IGF2: variants seen among roughly 807,000 people sequenced by gnomAD.
IGF2 encodes the protein insulin like growth factor 2, also known as insulin-like growth factor 2.
Under a neutral mutation model 12.0 loss-of-function variants are expected in IGF2, and 2 were observed. That is an observed-to-expected ratio of 0.17 (90% CI 0.07 to 0.52). The LOEUF (loss-of-function observed/expected upper bound fraction) is 0.52, where lower values mean the gene tolerates loss of function less well. IGF2 is among the 20% of genes least tolerant of loss of function. IGF2 has a pLI of 0.95. For missense variants in IGF2, 211 were observed against 268.0 expected (o/e 0.79, Z 1.48); for synonymous variants, 105 against 110.1 (o/e 0.95, Z 0.29).
chr11:2,148,157 A>C, the IGF2 span: 2 of 228,414 alleles, frequency 8.8e-6, no homozygotes, highest in African/African-American at 4.5e-5. This position sits in a 1 kb window ranked among gnomAD's most constrained non-coding sequence, Gnocchi z 4.3. Flanking sequence ...GCCCGCCTTG[A>C]GGGGTCATGG....
chr11:2,140,687 A>G (rs748045454), upstream of IGF2: 2 of 462,148 alleles, frequency 4.3e-6, no homozygotes, highest in Non-Finnish European at 8.4e-6. Flanking sequence ...GCCCAGCAGG[A>G]GCGAGCGCAG....
rs778304668 is a variant in IGF2 at position 2,133,123 on chromosome 11, G to C, written c.407C>G (p.Ala136Gly). ...LRRGLPALLR[A>G]RRGHVLAKEL... ...CTTGGCGAGCACGTGACCCCGGCGG[G>C]CACGCAGGAGGGCAGGCAGGCCCCT... Residue 136 changes from alanine to glycine, a missense_variant, in exon 4 of 4, where the codon GCC (alanine) becomes GGC (glycine). By Grantham distance (60) the Ala-to-Gly change is moderately conservative. Around this residue, in one of 3 missense-constraint regions of IGF2, gnomAD observed 141 missense variants for 153.1 expected, o/e 0.92. Transcript: ENST00000416167. The surrounding 1 kb of genome is among the most constrained non-coding windows in gnomAD (Gnocchi z 8.9). The C allele has an allele frequency of 1.2e-5, 20 of 1,606,074 alleles. No individual in the cohort carries two copies. The South Asian group carries it at 1.8e-4, about 14-fold the overall frequency.
chr11:2,146,509 A>G, the IGF2 span: 1 of 438,824 alleles, frequency 2.3e-6, no homozygotes, highest in Non-Finnish European at 4.7e-6. Flanking sequence ...AAGGCTGCTC[A>G]ATCTGCCCAA....
At position 2,139,013 on chromosome 11, in the gene IGF2, AG is replaced by A; in HGVS notation, c.-792del. ...GGCCGCTCCGGGACGCAGCGCGGAAAGGGGAGCGGCCCGAGGCTGCGCGCCG... is the reference window on the plus strand; with the variant it reads ...GGCCGCTCCGGGACGCAGCGCGGAAAGGGAGCGGCCCGAGGCTGCGCGCCG... On this transcript the variant is annotated 5_prime_UTR_variant, in exon 1 of 4. Transcript: ENST00000416167. 1 of 912,490 alleles carries A rather than the reference AG, an allele frequency of 1.1e-6. No individual in the cohort carries two copies. Among genetic ancestry groups the A allele is most frequent in the Non-Finnish European group, 1.3e-6 (1 of 793,234 alleles). The allele number at this position is 912,490 out of a possible 1,614,324, so 56.5% of individuals were successfully genotyped here. A position where few individuals can be genotyped will look rare whatever the true frequency, so the allele number is the denominator to read the frequency against.
At chr11:2,147,316 A>G in the IGF2 span, 1 of 363,092 alleles carries the variant, frequency 2.8e-6, no homozygotes, top group Non-Finnish European at 4.9e-6. This position sits in a 1 kb window ranked among gnomAD's most constrained non-coding sequence, Gnocchi z 7.2. Context: ...TTCGTCTCCC[A>G]GGAGCTCCCC....
At chr11:2,145,398 G>T (rs1187671961), upstream of IGF2, among the ~76,000 whole-genome samples, 1 of 152,236 alleles carries the variant, frequency 6.6e-6, no homozygotes, top group Middle Eastern at 3.2e-3. Flanking sequence ...GGGCCCCCAG[G>T]GCCAGCTCTA....
chr11:2,139,936 C>G (rs926945919), upstream of IGF2, among the ~76,000 whole-genome samples: 1 of 152,090 alleles, frequency 6.6e-6, no homozygotes, highest in Non-Finnish European at 1.5e-5. Context: ...CAGGAGGAGC[C>G]GGCCACGCGG....
At chr11:2,140,389 C>A (rs1196576713), upstream of IGF2, 18 of 1,259,444 alleles carry the variant, frequency 1.4e-5, no homozygotes, top group Non-Finnish European at 1.9e-5. Flanking sequence ...AGCCCCCCGC[C>A]GCCTAAGCCT....
At chr11:2,136,808 C>T (rs1021975756) in intron 1 of IGF2, among the ~76,000 whole-genome samples, 4 of 152,246 alleles carry the variant, frequency 2.6e-5, no homozygotes, top group Non-Finnish European at 5.9e-5. Context: ...GAGCACACTC[C>T]GCCAGCTGGC....
chr11:2,138,390 G>GT lies in IGF2; in HGVS notation c.-169_-168insA, dbSNP rs1347552295. 2.8e-5 allele frequency: 14 copies of GT among 495,580 alleles called. No homozygotes were observed. The highest frequency in any genetic ancestry group is 1.8e-4 in the East Asian group (1 of 5,504). The allele number at this position is 495,580 out of a possible 1,614,324, so 30.7% of individuals were successfully genotyped here. A position where few individuals can be genotyped will look rare whatever the true frequency, so the allele number is the denominator to read the frequency against. ...AGAGCGGGGGGATGGCTTTTTTTTG[G>GT]GGGGGGGGGGAGAATTCGTCTGATT... On this transcript the variant is annotated 5_prime_UTR_variant, in exon 1 of 4. Coordinates refer to ENST00000416167, the MANE Select transcript of IGF2 (RefSeq NM_000612.6).
upstream of IGF2, chr11:2,139,481 T>G: frequency 7.2e-6 from 1 of 138,792 alleles, no homozygotes; most frequent in Non-Finnish European, 1.6e-5. Context: ...CCCGCGCCAA[T>G]GGGCGCCCGC....
At chr11:2,139,606 G>A (rs1859411026), upstream of IGF2, among the ~76,000 whole-genome samples, 1 of 148,686 alleles carries the variant, frequency 6.7e-6, no homozygotes, top group Admixed American at 6.6e-5. Context: ...CAGGGGCTGG[G>A]GGGTGCGCGG....
In IGF2 at chr11:2,131,234, G is replaced by A. The variant is rs1378741908; in HGVS notation, c.*1753C>T. ...CAAATGCCGCCGGCCGCACACTCAG[G>A]CCGCACCATCTGAGCCCCCTCCTCT... On this transcript the variant is annotated 3_prime_UTR_variant, in exon 4 of 4. Transcript: ENST00000416167. 2 of 233,202 alleles carry A rather than the reference G, an allele frequency of 8.6e-6. No homozygotes were observed. Among genetic ancestry groups the A allele is most frequent in the Non-Finnish European group, 1.7e-5 (2 of 118,066 alleles). The allele number at this position is 233,202 out of a possible 1,614,324, so 14.4% of individuals were successfully genotyped here. A position where few individuals can be genotyped will look rare whatever the true frequency, so the allele number is the denominator to read the frequency against.
chr11:2,131,221 G>A lies in IGF2; in HGVS notation c.*1766C>T. 1 of 233,282 alleles carries A rather than the reference G, an allele frequency of 4.3e-6. No homozygotes were observed. Among genetic ancestry groups the A allele is most frequent in the Non-Finnish European group, 8.5e-6 (1 of 118,042 alleles). The allele number at this position is 233,282 out of a possible 1,614,324, so 14.5% of individuals were successfully genotyped here. A position where few individuals can be genotyped will look rare whatever the true frequency, so the allele number is the denominator to read the frequency against. Reference sequence around the variant, plus strand: ...TACGGGTGTATCCCAAATGCCGCCGGCCGCACACTCAGGCCGCACCATCTG... The same window carrying A: ...TACGGGTGTATCCCAAATGCCGCCGACCGCACACTCAGGCCGCACCATCTG... On this transcript the variant is annotated 3_prime_UTR_variant, in exon 4 of 4. Coordinates refer to ENST00000416167, the MANE Select transcript of IGF2 (RefSeq NM_000612.6).
chr11:2,140,676 C>T (rs1284742369), upstream of IGF2: 2 of 473,960 alleles, frequency 4.2e-6, no homozygotes, highest in African/African-American at 2.1e-5. Context: ...GATTTCGGGG[C>T]GCCCAGCAGG....
rs1858587181 is a variant in IGF2 at position 2,131,745 on chromosome 11, CTGTGTGTGCA to C, written c.*1232_*1241del. On this transcript the variant is annotated 3_prime_UTR_variant, in exon 4 of 4. Coordinates refer to ENST00000416167, the MANE Select transcript of IGF2 (RefSeq NM_000612.6). ...TGTGTGCTGTGTTCGCGTGTGTGTG[CTGTGTGTGCA>C]TGTGTGTGCTGTGTCTTTGTGTGTG... 1.9e-5 allele frequency: 3 copies of C among 159,230 alleles called. No homozygotes were observed. Among genetic ancestry groups the C allele is most frequent in the East Asian group, 8.7e-5 (1 of 11,496 alleles). The allele number at this position is 159,230 out of a possible 1,614,324, so 9.9% of individuals were successfully genotyped here.
chr11:2,139,062 G>A lies in IGF2; in HGVS notation c.-840C>T. 1 of 92,834 alleles carries A rather than the reference G, an allele frequency of 1.1e-5. No homozygotes were observed. The highest frequency in any genetic ancestry group is 5.8e-4 in the East Asian group (1 of 1,724). The allele number at this position is 92,834 out of a possible 1,614,324, so 5.8% of individuals were successfully genotyped here. A position where few individuals can be genotyped will look rare whatever the true frequency, so the allele number is the denominator to read the frequency against. ...CCGGGGGGAGGGCTGGAGGGGGAGC[G>A]CGGGGGGGGGTGACAACGCCGGCGG... On this transcript the variant is annotated 5_prime_UTR_variant, in exon 1 of 4. Coordinates refer to ENST00000416167, the MANE Select transcript of IGF2 (RefSeq NM_000612.6).
At chr11:2,149,459 G>T in the IGF2 span, 4 of 895,894 alleles carry the variant, frequency 4.5e-6, no homozygotes, top group South Asian at 6.2e-5. Context: ...GAAATGATGG[G>T]TTTACCCCTC....
the IGF2 span, chr11:2,149,366 T>G: frequency 6.3e-7 from 1 of 1,598,860 alleles, no homozygotes; most frequent in African/African-American, 1.3e-5. Context: ...GAAGGGCACT[T>G]TTAGAGTGTG....
Sources: allele counts gnomAD v4.1 joint callset (sites outside exome capture counted in the v4.1 genomes callset), GRCh38; gene constraint gnomAD v4.1.1; regional missense constraint gnomAD v4.1.1; non-coding constraint Gnocchi (gnomAD v3.1); transcripts MANE v1.5; gene names NCBI Gene and HGNC (gene_info 2026-07-23, HGNC 2026-07-21).